Variants in ARSJ observed in about 807,000 individuals in gnomAD.
ARSJ encodes arylsulfatase J.
Under a neutral mutation model 35.9 loss-of-function variants are expected in ARSJ, and 26 were observed. The ratio of observed to expected loss-of-function variants is 0.72; its 90% CI spans 0.53 to 1.00. The LOEUF is 1.00. Among genes scored for constraint, ARSJ ranks in the 50% least tolerant of loss-of-function variants. The pLI is 0.00. For synonymous variants in ARSJ, 294 were observed against 267.6 expected (o/e 1.10, Z -0.96); for missense variants, 667 against 723.6 (o/e 0.92, Z 0.90).
At chr4:113,944,997 T>C (rs1725385547) in intron 1 of ARSJ, among the ~76,000 whole-genome samples, 1 of 152,080 alleles carries the variant, frequency 6.6e-6, no homozygotes, top group Non-Finnish European at 1.5e-5. Flanking sequence ...CTTAAATAAA[T>C]AAAATATTTG....
At position 113,960,066 on chromosome 4, in the gene ARSJ, C is replaced by T. The variant is rs190701946; in HGVS notation, c.398+18371G>A. On this transcript the variant is annotated intron_variant, in intron 1 of 1. Transcript: ENST00000315366. ...TTTTTTCAGTATTTTGTTTCTCATT[C>T]AGACAGCTTCCTACTGGTTTCCCTG... 5.4e-4 allele frequency among the ~76,000 whole-genome samples: 82 copies of T among 151,954 alleles called. 1 individual carries two copies. The East Asian group carries it at 0.011, about 20-fold the overall frequency.
chr4:113,960,744 A>C (rs1415455024), intron 1 of ARSJ, among the ~76,000 whole-genome samples: 1 of 152,032 alleles, frequency 6.6e-6, no homozygotes, highest in East Asian at 1.9e-4. Context: ...TCAGTAACTT[A>C]TTTTCTTGAT....
chr4:113,902,848 T>G lies in ARSJ; in HGVS notation c.1226A>C (p.Glu409Ala). Residue 409 changes from glutamate to alanine, a missense_variant, in exon 2 of 2, where the codon GAG becomes GCG. Transcript: ENST00000315366. ...ATCTACTCGGGGTGAGCGAAGACCC[T>G]CACTTATGGTCTCCCAGATATCATA... ...DGYDIWETIS[E>A]GLRSPRVDIL... The G allele has an allele frequency of 6.2e-7, 1 of 1,614,170 alleles. No individual in the cohort carries two copies. Among genetic ancestry groups the G allele is most frequent in the South Asian group, 1.1e-5 (1 of 91,076 alleles).
chr4:113,921,460 G>A (rs547638188), intron 1 of ARSJ, among the ~76,000 whole-genome samples: 1 of 151,920 alleles, frequency 6.6e-6, no homozygotes, highest in African/African-American at 2.4e-5. Flanking sequence ...ACTGAGAAGG[G>A]GCAAAGGCTC....
In ARSJ at chr4:113,901,692, C is replaced by T. The variant is rs1238396554; in HGVS notation, c.*582G>A. On this transcript the variant is annotated 3_prime_UTR_variant, in exon 2 of 2. Coordinates refer to ENST00000315366, the MANE Select transcript of ARSJ (RefSeq NM_024590.4). ...TTCACATGTGAGAAAAACAGCTTTT[C>T]ACAGGAAAAGAAACATATATATATA... The T allele has an allele frequency of 1.5e-5, 2 of 129,686 alleles. No homozygotes were observed. Among genetic ancestry groups the T allele is most frequent in the African/African-American group, 5.4e-5 (2 of 37,038 alleles). The allele number at this position is 129,686 out of a possible 1,614,324, so 8.0% of individuals were successfully genotyped here.
chr4:113,912,774 G>C (rs922525002), intron 1 of ARSJ, among the ~76,000 whole-genome samples: 6 of 151,618 alleles, frequency 4.0e-5, no homozygotes, highest in Non-Finnish European at 7.4e-5. Context: ...TGCATAAAGA[G>C]AGAAAGATAA....
chr4:113,961,724 G>A (rs1335041085), intron 1 of ARSJ, among the ~76,000 whole-genome samples: 2 of 152,080 alleles, frequency 1.3e-5, no homozygotes, highest in African/African-American at 2.4e-5. Context: ...AGCAAAATAG[G>A]TGGACTTCAA....
At chr4:113,907,071 A>C (rs918514973) in intron 1 of ARSJ, among the ~76,000 whole-genome samples, 6 of 152,196 alleles carry the variant, frequency 3.9e-5, no homozygotes, top group African/African-American at 1.4e-4. Context: ...CTTGATCAAC[A>C]GTGGCAAAGT....
At chr4:113,910,691 G>A (rs994420006) in intron 1 of ARSJ, among the ~76,000 whole-genome samples, 1 of 152,118 alleles carries the variant, frequency 6.6e-6, no homozygotes, top group East Asian at 1.9e-4. Context: ...GGGGCGGGCT[G>A]TGGCAACAAA....
At position 113,951,637 on chromosome 4, in the gene ARSJ, C is replaced by T. The variant is rs116578134; in HGVS notation, c.398+26800G>A. 2.6e-3 allele frequency among the ~76,000 whole-genome samples: 396 copies of T among 152,182 alleles called. 1 individual carries two copies. The highest frequency in any genetic ancestry group is 0.014 in the Middle Eastern group (4 of 294). On this transcript the variant is annotated intron_variant, in intron 1 of 1. Transcript: ENST00000315366. ...TGTTCTTAAGCCAGTTGTCCTCTCTCGTAGAAGAGGAGTTTATTTTATGAA... is the reference window on the plus strand; with the variant it reads ...TGTTCTTAAGCCAGTTGTCCTCTCTTGTAGAAGAGGAGTTTATTTTATGAA...
intron 1 of ARSJ, among the ~76,000 whole-genome samples, chr4:113,918,114 T>G (rs4466108): frequency 6.6e-6 from 1 of 151,998 alleles, no homozygotes. Flanking sequence ...TTTGGTCAAC[T>G]CTTGATGCAG....
At chr4:113,919,219 C>T (rs970483716) in intron 1 of ARSJ, among the ~76,000 whole-genome samples, 1 of 151,946 alleles carries the variant, frequency 6.6e-6, no homozygotes, top group African/African-American at 2.4e-5. Context: ...AAGAAGTGAC[C>T]ACGAGGCTGT....
At chr4:113,951,204 A>AAT (rs1204988325) in intron 1 of ARSJ, among the ~76,000 whole-genome samples, 6 of 152,080 alleles carry the variant, frequency 3.9e-5, no homozygotes, top group African/African-American at 1.4e-4. Flanking sequence ...AGAGTTTACT[A>AAT]ATATAAGGTT....
At chr4:113,906,228 T>A (rs1207116414) in intron 1 of ARSJ, among the ~76,000 whole-genome samples, 2 of 152,232 alleles carry the variant, frequency 1.3e-5, no homozygotes, top group Non-Finnish European at 2.9e-5. Context: ...TTGATTTGAC[T>A]GGAATGTCTA....
At chr4:113,925,628 A>G (rs1724009319) in intron 1 of ARSJ, among the ~76,000 whole-genome samples, 1 of 152,156 alleles carries the variant, frequency 6.6e-6, no homozygotes, top group Non-Finnish European at 1.5e-5. Flanking sequence ...CCACTGCCAC[A>G]CTGCTTTAGC....
chr4:113,917,587 A>G (rs4444906), intron 1 of ARSJ, among the ~76,000 whole-genome samples: 107,636 of 151,958 alleles, frequency 0.71, 38,904 homozygotes, highest in East Asian at 0.81. Flanking sequence ...TATAGTTAGA[A>G]GAATATTAAG....
intron 1 of ARSJ, among the ~76,000 whole-genome samples, chr4:113,908,532 A>G (rs2099669454): frequency 6.6e-6 from 1 of 152,144 alleles, no homozygotes; most frequent in South Asian, 2.1e-4. Context: ...AATATATCAG[A>G]CTACAAATTT....
At chr4:113,951,289 T>C (rs1725849998) in intron 1 of ARSJ, among the ~76,000 whole-genome samples, 1 of 152,114 alleles carries the variant, frequency 6.6e-6, no homozygotes, top group Non-Finnish European at 1.5e-5. Flanking sequence ...TTAATGTTCT[T>C]CAAATATGTG....
chr4:113,906,587 C>G (rs992365683), intron 1 of ARSJ: 12 of 301,520 alleles, frequency 4.0e-5, no homozygotes, highest in South Asian at 3.3e-4. Context: ...TGAGTTCCAG[C>G]CTCTATGGTG....
Sources: gnomAD v4.1 joint callset for allele counts (sites outside exome capture counted in the v4.1 genomes callset) on GRCh38, gnomAD v4.1.1 for gene constraint, MANE v1.5 for transcripts, NCBI Gene and HGNC (gene_info 2026-07-23, HGNC 2026-07-21) for gene names.